GNG7: variants seen among roughly 807,000 people sequenced by gnomAD.
GNG7 encodes the protein guanine nucleotide-binding protein G(I)/G(S)/G(O) subunit gamma-7.
A neutral mutation model predicts 4.0 loss-of-function variants in GNG7; 1 was observed. The ratio of observed to expected loss-of-function variants is 0.25; its 90% CI spans 0.09 to 1.18. GNG7 has a LOEUF of 1.18. GNG7 is among the 50% of genes most tolerant of loss of function. The pLI, the probability that GNG7 is intolerant of heterozygous loss-of-function variation, is 0.50. For missense variants in GNG7, 86 were observed against 91.9 expected (o/e 0.94, Z 0.26); for synonymous variants, 34 against 36.9 (o/e 0.92, Z 0.29).
intron 2 of GNG7, among the ~76,000 whole-genome samples, chr19:2,568,190 T>C (rs569190708): frequency 2.7e-4 from 37 of 136,412 alleles, no homozygotes; most frequent in South Asian, 7.1e-4. Flanking sequence ...CACATGCACA[T>C]ACACACACAT....
In GNG7 at chr19:2,535,082, CCAGT is replaced by C. The variant is rs757305197; in HGVS notation, c.-37-14361_-37-14358del. 9.9e-5 allele frequency among the ~76,000 whole-genome samples: 15 copies of C among 152,126 alleles called. 1 individual carries two copies. Among genetic ancestry groups the C allele is most frequent in the Middle Eastern group, 6.3e-3 (2 of 316 alleles). On this transcript the variant is annotated intron_variant, in intron 3 of 4. Coordinates refer to ENST00000382159, the MANE Select transcript of GNG7 (RefSeq NM_052847.3). ...ATTAACAGTTACAACAATCTTGGAG[CCAGT>C]CATTCAGCCCACCACATCATTCTCT... is the stretch of plus-strand genomic sequence containing the variant.
At chr19:2,620,955 C>T (rs148108909) in intron 2 of GNG7, among the ~76,000 whole-genome samples, 2 of 152,254 alleles carry the variant, frequency 1.3e-5, no homozygotes. Flanking sequence ...GTGACGTGGC[C>T]GCCTTCCTGC....
intron 3 of GNG7, among the ~76,000 whole-genome samples, chr19:2,533,382 GA>G (rs1978652196): frequency 6.6e-6 from 1 of 152,010 alleles, no homozygotes; most frequent in African/African-American, 2.4e-5. Context: ...TGATAGAAAT[GA>G]AAACAGAGGT....
At chr19:2,701,144 A>G (rs1189639174) in intron 1 of GNG7, 2 of 152,022 alleles carry the variant, frequency 1.3e-5, no homozygotes, top group Admixed American at 6.6e-5. Flanking sequence ...ATAAACCTCA[A>G]AAAGTATTCC....
intron 2 of GNG7, among the ~76,000 whole-genome samples, chr19:2,606,440 A>C (rs1346817571): frequency 6.6e-6 from 1 of 152,048 alleles, no homozygotes; most frequent in Non-Finnish European, 1.5e-5. Flanking sequence ...AGATCACCTG[A>C]GGTCAGGAGT....
At chr19:2,525,477 A>C (rs1253713059) in intron 3 of GNG7, among the ~76,000 whole-genome samples, 1 of 95,172 alleles carries the variant, frequency 1.1e-5, no homozygotes, top group Non-Finnish European at 2.2e-5. Flanking sequence ...AAAGTCAAGA[A>C]GGATGAGGGT....
intron 3 of GNG7, among the ~76,000 whole-genome samples, chr19:2,521,820 G>C (rs913236869): frequency 6.6e-6 from 1 of 152,000 alleles, no homozygotes; most frequent in Non-Finnish European, 1.5e-5. Flanking sequence ...CACCATGTTG[G>C]CCAGGCTGGT....
intron 4 of GNG7, among the ~76,000 whole-genome samples, chr19:2,519,501 G>A (rs991809270): frequency 3.3e-5 from 5 of 151,716 alleles, no homozygotes; most frequent in African/African-American, 1.2e-4. Flanking sequence ...TTGTTGCCCA[G>A]GCTGGAATTG....
intron 2 of GNG7, among the ~76,000 whole-genome samples, chr19:2,558,687 T>C (rs1164651282): frequency 6.6e-6 from 1 of 152,152 alleles, no homozygotes; most frequent in African/African-American, 2.4e-5. Context: ...TTCTGTAAAA[T>C]GAAGTTATAT....
intron 3 of GNG7, among the ~76,000 whole-genome samples, chr19:2,520,975 G>T (rs1345019313): frequency 6.6e-6 from 1 of 152,180 alleles, no homozygotes; most frequent in Non-Finnish European, 1.5e-5. Flanking sequence ...GCGAAGGCAG[G>T]CTGGGCGTGG....
At chr19:2,580,267 C>A (rs34143857) in intron 2 of GNG7, among the ~76,000 whole-genome samples, 22,254 of 148,726 alleles carry the variant, frequency 0.15, 1,933 homozygotes, top group Middle Eastern at 0.24. Flanking sequence ...CGCAGCCCTG[C>A]TGCTCTCTGT....
intron 3 of GNG7, among the ~76,000 whole-genome samples, chr19:2,537,142 G>T (rs941257341): frequency 6.6e-6 from 1 of 150,908 alleles, no homozygotes; most frequent in Non-Finnish European, 1.5e-5. Context: ...GTAGAGACGG[G>T]GTTTCACCGT....
chr19:2,637,213 C>CCG (rs386388381), intron 2 of GNG7, among the ~76,000 whole-genome samples: 3 of 7,614 alleles, frequency 3.9e-4, no homozygotes, highest in African/African-American at 1.0e-3. Flanking sequence ...GGAACAGGCT[C>CCG]CCCCCGCCCC....
chr19:2,601,945 G>C (rs1223753814), intron 2 of GNG7, among the ~76,000 whole-genome samples: 2 of 151,834 alleles, frequency 1.3e-5, no homozygotes, highest in Non-Finnish European at 2.9e-5. Context: ...GGGAGGAGAG[G>C]AGAGGGGAGG....
chr19:2,583,672 T>C (rs1331024935), intron 2 of GNG7, among the ~76,000 whole-genome samples: 1 of 152,180 alleles, frequency 6.6e-6, no homozygotes, highest in African/African-American at 2.4e-5. Context: ...AGAATTATTA[T>C]GGATAAAAGT....
In GNG7 at chr19:2,512,523, C is replaced by T; in HGVS notation, c.*2499G>A. The T allele has an allele frequency of 3.8e-6, 1 of 264,452 alleles. No homozygotes were observed. Among genetic ancestry groups the T allele is most frequent in the African/African-American group, 2.3e-5 (1 of 43,564 alleles). 16.4% of individuals were successfully genotyped at this position (264,452 alleles called of 1,614,324 possible). On this transcript the variant is annotated 3_prime_UTR_variant, in exon 5 of 5. Coordinates refer to ENST00000382159, the MANE Select transcript of GNG7 (RefSeq NM_052847.3). The surrounding 1 kb of genome is among the most constrained non-coding windows in gnomAD (Gnocchi z 4.7). ...GAGAGGCCAGCCTGTCCTTCCCCTC[C>T]CCGAGCCTCAGTTTACCTGGAACGC...
At chr19:2,664,529 C>A (rs1421042440) in intron 1 of GNG7, among the ~76,000 whole-genome samples, 2 of 152,028 alleles carry the variant, frequency 1.3e-5, no homozygotes, top group Non-Finnish European at 2.9e-5. Context: ...GCCTGCTTGA[C>A]CCTGAGGGTT....
rs1555692993 is a variant in GNG7, at chr19:2,551,674, A to AAAT, written c.-38+3474_-38+3475insATT. Among the ~76,000 whole-genome samples the AAAT allele has an allele frequency of 4.5e-3, 493 of 109,766 alleles. 2 individuals carry two copies. Among genetic ancestry groups the AAAT allele is most frequent in the African/African-American group, 0.015 (444 of 28,986 alleles). The allele number at this position is 109,766 out of a possible 152,430, so 72.0% of individuals were successfully genotyped here. A position where few individuals can be genotyped will look rare whatever the true frequency, so the allele number is the denominator to read the frequency against. ...TTATAAATAAAATATATATTTAAAA[A>AAAT]ATATATATATATACACACACATATT... On this transcript the variant is annotated intron_variant, in intron 3 of 4. Coordinates refer to ENST00000382159, the MANE Select transcript of GNG7 (RefSeq NM_052847.3).
intron 2 of GNG7, among the ~76,000 whole-genome samples, chr19:2,580,010 C>G (rs1229274089): frequency 6.6e-6 from 1 of 152,110 alleles, no homozygotes; most frequent in East Asian, 1.9e-4. Context: ...GGACACCTGG[C>G]CAGAATCCAC....
Sources: allele counts gnomAD v4.1 joint callset (sites outside exome capture counted in the v4.1 genomes callset), GRCh38; gene constraint gnomAD v4.1.1; non-coding constraint Gnocchi (gnomAD v3.1); transcripts MANE v1.5; gene names NCBI Gene and HGNC (gene_info 2026-07-23, HGNC 2026-07-21).